AP1S3: variants seen among roughly 807,000 people sequenced by gnomAD.
AP1S3 encodes the protein adaptor related protein complex 1 subunit sigma 3.
AP1S3 carries 10 observed loss-of-function variants against 20.9 expected under a neutral mutation model. The observed-to-expected ratio is 0.48, with a 90% CI of 0.29 to 0.81. The LOEUF (loss-of-function observed/expected upper bound fraction) is 0.81, where lower values mean the gene tolerates loss of function less well. AP1S3 is among the 30% of genes least tolerant of loss of function. The pLI is 0.08. For missense variants in AP1S3, 154 were observed against 183.8 expected, an observed-to-expected ratio of 0.84 and a Z score of 0.94; for synonymous variants, 41 against 61.5, an observed-to-expected ratio of 0.67 and a Z score of 1.56.
At chr2:223,817,849 C>A (rs10178242) in intron 1 of AP1S3, among the ~76,000 whole-genome samples, 1 of 151,502 alleles carries the variant, frequency 6.6e-6, no homozygotes, top group Non-Finnish European at 1.5e-5. Context: ...CCCAGGAGAC[C>A]TTTTTCCAAA....
intron 3 of AP1S3, chr2:223,770,430 T>C: frequency 4.0e-6 from 6 of 1,493,242 alleles, no homozygotes; most frequent in Non-Finnish European, 5.4e-6. Context: ...CATGGGGCAA[T>C]TAATTTACTG....
intron 1 of AP1S3, among the ~76,000 whole-genome samples, chr2:223,796,791 G>T (rs1031349219): frequency 6.6e-6 from 1 of 152,250 alleles, no homozygotes; most frequent in African/African-American, 2.4e-5. Flanking sequence ...AGCCTCCCAA[G>T]CAGCTGGGAT....
At chr2:223,763,927 A>G (rs1026604503) in intron 4 of AP1S3, among the ~76,000 whole-genome samples, 1 of 152,062 alleles carries the variant, frequency 6.6e-6, no homozygotes, top group Non-Finnish European at 1.5e-5. Flanking sequence ...TTATTTATTT[A>G]TTTATTTATT....
Position 223,777,852 on chromosome 2 carries a change from G to A in AP1S3, c.21C>T (p.Leu7=). MIHFIL[L]FSRQGKLRLQ... ...GCCGTAATTTCCCTTGTCGACTGAAGAGCAATATGAAATGTATCTAGAACA... is the reference window on the plus strand; with the variant it reads ...GCCGTAATTTCCCTTGTCGACTGAAAAGCAATATGAAATGTATCTAGAACA... The change falls in exon 2 of 5, where the codon CTC becomes CTT. Residue 7 remains leucine (L), a synonymous_variant. Coordinates refer to ENST00000396654, the MANE Select transcript of AP1S3 (RefSeq NM_001039569.2). 5 of 1,613,604 alleles carry A rather than the reference G, an allele frequency of 3.1e-6. No individual in the cohort carries two copies. The South Asian group carries it at 3.3e-5, about 11-fold the overall frequency.
chr2:223,827,997 T>C (rs1553527275), intron 1 of AP1S3, among the ~76,000 whole-genome samples: 1 of 140,184 alleles, frequency 7.1e-6, no homozygotes, highest in Non-Finnish European at 1.5e-5. Context: ...AGGTAGAGGT[T>C]GCAGTGAGCC....
intron 4 of AP1S3, among the ~76,000 whole-genome samples, chr2:223,760,047 C>T (rs1386217486): frequency 1.3e-5 from 2 of 152,050 alleles, no homozygotes; most frequent in African/African-American, 4.8e-5. Context: ...TTTGAACAGA[C>T]TCACAATTAC....
chr2:223,807,382 C>T (rs1010037307), intron 1 of AP1S3, among the ~76,000 whole-genome samples: 3 of 152,174 alleles, frequency 2.0e-5, no homozygotes, highest in Non-Finnish European at 4.4e-5. Context: ...TATTCAGGGA[C>T]ATCACCTCAA....
At chr2:223,761,386 G>C (rs1244712754) in intron 4 of AP1S3, among the ~76,000 whole-genome samples, 1 of 152,102 alleles carries the variant, frequency 6.6e-6, no homozygotes, top group East Asian at 1.9e-4. Flanking sequence ...TCCACACGAG[G>C]GCACATAGAA....
chr2:223,782,302 T>C (rs545239840), intron 1 of AP1S3, among the ~76,000 whole-genome samples: 1 of 152,324 alleles, frequency 6.6e-6, no homozygotes, highest in African/African-American at 2.4e-5. Flanking sequence ...TGTAAGCCAC[T>C]GTGCCTGGCC....
At chr2:223,806,192 A>C in intron 1 of AP1S3, among the ~76,000 whole-genome samples, 1 of 149,782 alleles carries the variant, frequency 6.7e-6, no homozygotes, top group African/African-American at 2.5e-5. Context: ...CCCAAATAAC[A>C]CCTCCTGGTA....
At chr2:223,790,234 T>C (rs1445692028) in intron 1 of AP1S3, among the ~76,000 whole-genome samples, 2 of 67,830 alleles carry the variant, frequency 2.9e-5, no homozygotes, top group Non-Finnish European at 7.8e-5. Context: ...GCCTCCAGTC[T>C]TTTTTTTTTT....
chr2:223,773,256 G>A (rs1400272166), intron 3 of AP1S3: 2 of 1,291,094 alleles, frequency 1.5e-6, no homozygotes, highest in Non-Finnish European at 2.0e-6. Context: ...AAATACAACA[G>A]GTCAAGCCGG....
chr2:223,788,781 A>AG (rs11465054), intron 1 of AP1S3, among the ~76,000 whole-genome samples: 4 of 145,848 alleles, frequency 2.7e-5, no homozygotes, highest in African/African-American at 1.1e-4. Flanking sequence ...AAAAAAAAAA[A>AG]GAAGAAGAAG....
rs1011108460 is a variant in AP1S3 at position 223,758,637 on chromosome 2, T to A, written c.*78A>T. On this transcript the variant is annotated 3_prime_UTR_variant, in exon 5 of 5. Coordinates refer to ENST00000396654, the MANE Select transcript of AP1S3 (RefSeq NM_001039569.2). ...TTTTGGCATGGTGCCTGAGGCTCCA[T>A]CAAAAAACCGGATGGGAGGCGTTGC... The A allele has an allele frequency of 2.1e-4, 317 of 1,483,462 alleles. 1 individual carries two copies. The highest frequency in any genetic ancestry group is 2.6e-4 in the Non-Finnish European group (290 of 1,115,400). The allele number at this position is 1,483,462 out of a possible 1,614,324, so 91.9% of individuals were successfully genotyped here. A position where few individuals can be genotyped will look rare whatever the true frequency, so the allele number is the denominator to read the frequency against.
intron 3 of AP1S3, among the ~76,000 whole-genome samples, chr2:223,772,213 C>T (rs1323419852): frequency 6.6e-6 from 1 of 152,170 alleles, no homozygotes; most frequent in African/African-American, 2.4e-5. Context: ...TCTCTTTGCC[C>T]CTCCCAGCAG....
intron 1 of AP1S3, among the ~76,000 whole-genome samples, chr2:223,825,081 G>A (rs997731479): frequency 1.3e-4 from 20 of 151,804 alleles, no homozygotes; most frequent in Non-Finnish European, 2.5e-4. Context: ...AGGCTGAGGC[G>A]GGCGGAGCAC....
chr2:223,760,936 C>T (rs1690340541), intron 4 of AP1S3, among the ~76,000 whole-genome samples: 1 of 152,130 alleles, frequency 6.6e-6, no homozygotes, highest in African/African-American at 2.4e-5. Context: ...TGCCTGTAGC[C>T]TCGGGAGGGG....
rs553567159 is a variant in AP1S3 at position 223,777,733 on chromosome 2, C to T, written c.140G>A (p.Ser47Asn). 1 of 1,614,050 alleles carries T rather than the reference C, an allele frequency of 6.2e-7. No individual in the cohort carries two copies. Among genetic ancestry groups the T allele is most frequent in the African/African-American group, 1.3e-5 (1 of 75,064 alleles). Reference protein sequence around the residue: ...QIILSRGHRTSSFVDWKELKL... With the variant: ...QIILSRGHRTNSFVDWKELKL... ...TAGCTCCTTCCAGTCAACAAAACTGCTTGTCCTGTGACCACGGGAGAGAAT... is the reference window on the plus strand; with the variant it reads ...TAGCTCCTTCCAGTCAACAAAACTGTTTGTCCTGTGACCACGGGAGAGAAT... Residue 47 changes from serine to asparagine, a missense_variant, in exon 2 of 5, where the codon AGC becomes AAC. Ser to Asn is a conservative substitution (Grantham distance 46). Transcript: ENST00000396654.
rs199969514 is a variant in AP1S3, at chr2:223,803,866, C to T, written c.4-25997G>A. ...CTGCACTCCAGCCTGGGTGACAGAGCGAGACTCCGTCTCAAAAAAAAAAAA... is the reference window on the plus strand; with the variant it reads ...CTGCACTCCAGCCTGGGTGACAGAGTGAGACTCCGTCTCAAAAAAAAAAAA... On this transcript the variant is annotated intron_variant, in intron 1 of 4. Coordinates refer to ENST00000396654, the MANE Select transcript of AP1S3 (RefSeq NM_001039569.2). Among the ~76,000 whole-genome samples the T allele has an allele frequency of 3.6e-4, 51 of 141,588 alleles. No homozygotes were observed. The East Asian group carries it at 9.0e-3, about 25-fold the overall frequency. The allele number at this position is 141,588 out of a possible 152,430, so 92.9% of individuals were successfully genotyped here.
Sources: gnomAD v4.1 joint callset for allele counts (sites outside exome capture counted in the v4.1 genomes callset) on GRCh38, gnomAD v4.1.1 for gene constraint, MANE v1.5 for transcripts, NCBI Gene and HGNC (gene_info 2026-07-23, HGNC 2026-07-21) for gene names.